The following MCTP2 variants were observed in gnomAD, a reference collection of about 807,000 sequenced individuals.
MCTP2 encodes the protein multiple C2 and transmembrane domain-containing protein 2.
MCTP2 carries 132 observed loss-of-function variants against 111.6 expected under a neutral mutation model. That is an observed-to-expected ratio of 1.18 (90% confidence interval 1.03 to 1.37). The LOEUF (loss-of-function observed/expected upper bound fraction) is 1.37, where lower values mean the gene tolerates loss of function less well. MCTP2 is among the 40% of genes most tolerant of loss of function. The pLI is 0.00. For missense variants in MCTP2, 1,183 were observed against 1,067.9 expected, an observed-to-expected ratio of 1.11 and a Z score of -1.50; for synonymous variants, 395 against 387.7, an observed-to-expected ratio of 1.02 and a Z score of -0.22.
chr15:94,378,761 T>C (rs911439244), intron 12 of MCTP2, among the ~76,000 whole-genome samples: 1 of 152,124 alleles, frequency 6.6e-6, no homozygotes, highest in Non-Finnish European at 1.5e-5. Context: ...GAGGAAGTCA[T>C]TATTTGTCCT....
intron 15 of MCTP2, 69 bp from the exon 16 acceptor site, chr15:94,399,852 C>T (rs1046323816): frequency 2.9e-6 from 4 of 1,381,536 alleles, no homozygotes; most frequent in Non-Finnish European, 2.1e-6. Flanking sequence ...TTTTCCCAGT[C>T]ATTAAGAAAA....
intron 14 of MCTP2, among the ~76,000 whole-genome samples, chr15:94,392,835 A>G (rs935012058): frequency 1.3e-5 from 2 of 151,428 alleles, no homozygotes; most frequent in African/African-American, 4.8e-5. Context: ...ACAAACAAAC[A>G]AACAAAAAAA....
At position 94,483,322 on chromosome 15, in the gene MCTP2, A is replaced by T. The variant is rs2074817973; in HGVS notation, c.*4288A>T. On this transcript the variant is annotated 3_prime_UTR_variant, in exon 23 of 23. Coordinates refer to ENST00000357742, the MANE Select transcript of MCTP2 (RefSeq NM_001385001.1). ...TTTCCTCAAAAACCTAAAGACAGAAATACCATTTGACCCAGCAATCCCATA... is the reference window on the plus strand; with the variant it reads ...TTTCCTCAAAAACCTAAAGACAGAATTACCATTTGACCCAGCAATCCCATA... 1 of 152,230 alleles carries T rather than the reference A, an allele frequency of 6.6e-6. No homozygotes were observed. The highest frequency in any genetic ancestry group is 2.1e-4 in the South Asian group (1 of 4,830). 9.4% of individuals were successfully genotyped at this position (152,230 alleles called of 1,614,324 possible).
chr15:94,391,301 A>C (rs1218888972), intron 14 of MCTP2, among the ~76,000 whole-genome samples: 1 of 151,908 alleles, frequency 6.6e-6, no homozygotes, highest in Non-Finnish European at 1.5e-5. Flanking sequence ...CCCAAGTTTC[A>C]CCTGTGATGG....
At chr15:94,243,436 C>T (rs2071269426) in intron 1 of MCTP2, among the ~76,000 whole-genome samples, 1 of 136,744 alleles carries the variant, frequency 7.3e-6, no homozygotes, top group Non-Finnish European at 1.6e-5. Flanking sequence ...TGCGTATGTA[C>T]ATACATACGT....
chr15:94,268,180 C>CTTTTT (rs371485797), intron 1 of MCTP2, among the ~76,000 whole-genome samples: 14 of 134,426 alleles, frequency 1.0e-4, no homozygotes, highest in East Asian at 2.2e-4. Flanking sequence ...TTCATTCTTT[C>CTTTTT]TTTCTTTTTT....
intron 1 of MCTP2, among the ~76,000 whole-genome samples, chr15:94,252,852 T>G (rs2072529262): frequency 6.6e-6 from 1 of 152,192 alleles, no homozygotes; most frequent in African/African-American, 2.4e-5. Context: ...TATCTGAACC[T>G]TATTTACAAT....
chr15:94,301,635 G>A (rs74518824), intron 2 of MCTP2, among the ~76,000 whole-genome samples: 1,773 of 152,276 alleles, frequency 0.012, 24 homozygotes, highest in South Asian at 0.059. Flanking sequence ...TGATAGCAAC[G>A]TGTGCATTCA....
intron 2 of MCTP2, 112 bp from the exon 3 acceptor site, chr15:94,314,170 C>A: frequency 1.4e-6 from 1 of 697,472 alleles, no homozygotes; most frequent in South Asian, 1.9e-5. Context: ...CTCACTGAAG[C>A]TGCATATGCA....
chr15:94,334,952 A>G (rs1281708333), intron 4 of MCTP2, among the ~76,000 whole-genome samples: 2 of 152,284 alleles, frequency 1.3e-5, no homozygotes, highest in South Asian at 2.1e-4. Context: ...AATGGTTTAG[A>G]TCACATACCC....
chr15:94,303,323 A>C (rs1390370713), intron 2 of MCTP2, among the ~76,000 whole-genome samples: 2 of 151,858 alleles, frequency 1.3e-5, no homozygotes, highest in Admixed American at 6.6e-5. Flanking sequence ...AGCATCCAGC[A>C]TGGGAGAAAG....
chr15:94,306,108 C>T (rs1174971070), intron 2 of MCTP2, among the ~76,000 whole-genome samples: 2 of 152,072 alleles, frequency 1.3e-5, no homozygotes, highest in African/African-American at 2.4e-5. Context: ...GCTAGATAAC[C>T]AGTTGAGATG....
chr15:94,466,893 T>C (rs941083555), intron 20 of MCTP2, among the ~76,000 whole-genome samples: 2 of 152,180 alleles, frequency 1.3e-5, no homozygotes, highest in Non-Finnish European at 1.5e-5. Flanking sequence ...TGATAAAGTC[T>C]ATTCCTTTTT....
intron 8 of MCTP2, among the ~76,000 whole-genome samples, chr15:94,350,368 A>C (rs1401056380): frequency 6.6e-6 from 1 of 152,202 alleles, no homozygotes; most frequent in African/African-American, 2.4e-5. Context: ...CAGGTGGATC[A>C]CTTGAGGTCA....
chr15:94,380,417 G>C (rs917894688), intron 12 of MCTP2, among the ~76,000 whole-genome samples: 2 of 152,162 alleles, frequency 1.3e-5, no homozygotes, highest in Non-Finnish European at 1.5e-5. Context: ...GGTGGTCATT[G>C]TATTTCAGGG....
intron 1 of MCTP2, among the ~76,000 whole-genome samples, chr15:94,263,041 G>T (rs2073287991): frequency 6.6e-6 from 1 of 152,158 alleles, no homozygotes; most frequent in Admixed American, 6.5e-5. Flanking sequence ...GCTTTGAACA[G>T]ATCACTGCTC....
chr15:94,257,361 A>T (rs1293969020), intron 1 of MCTP2, among the ~76,000 whole-genome samples: 1 of 151,970 alleles, frequency 6.6e-6, no homozygotes, highest in Non-Finnish European at 1.5e-5. Flanking sequence ...TCAGGCTTTG[A>T]AAGCAGATTC....
intron 1 of MCTP2, among the ~76,000 whole-genome samples, chr15:94,289,502 A>C (rs922464896): frequency 2.0e-5 from 3 of 152,226 alleles, no homozygotes; most frequent in African/African-American, 7.2e-5. Flanking sequence ...TGGTACAAGA[A>C]GGAAATATGG....
At chr15:94,375,464 T>C (rs1436373933) in intron 12 of MCTP2, among the ~76,000 whole-genome samples, 1 of 152,198 alleles carries the variant, frequency 6.6e-6, no homozygotes, top group Non-Finnish European at 1.5e-5. Flanking sequence ...GGGACAAAAC[T>C]GGAAATATCA....
Sources: gnomAD v4.1 joint callset for allele counts (sites outside exome capture counted in the v4.1 genomes callset) on GRCh38, gnomAD v4.1.1 for gene constraint, MANE v1.5 for transcripts, NCBI Gene and HGNC (gene_info 2026-07-23, HGNC 2026-07-21) for gene names.